TFPI: variants seen among roughly 807,000 people sequenced by gnomAD.
TFPI encodes anti-convertin.
TFPI carries 15 observed loss-of-function variants against 34.6 expected under a neutral mutation model. The observed-to-expected ratio is 0.43, with a 90% confidence interval of 0.29 to 0.67. The LOEUF is 0.67. Among genes scored for constraint, TFPI ranks in the 30% least tolerant of loss-of-function variants. The pLI is 0.15. For missense variants in TFPI, 301 were observed against 364.0 expected (o/e 0.83, Z 1.41); for synonymous variants, 105 against 120.1 (o/e 0.87, Z 0.82).
intron 1 of TFPI, chr2:187,544,473 TAAAAACAAAC>T (rs1688744640): frequency 6.6e-6 from 1 of 152,140 alleles, no homozygotes; most frequent in Admixed American, 6.5e-5. Flanking sequence ...CAGAGTGACT[TAAAAACAAAC>T]AAAAACAACA....
chr2:187,502,316 T>C (rs555455906), intron 2 of TFPI, among the ~76,000 whole-genome samples: 2 of 152,308 alleles, frequency 1.3e-5, no homozygotes, highest in Admixed American at 6.5e-5. Context: ...CTCAGTCCAG[T>C]TGAGGAAAAT....
chr2:187,531,768 T>C (rs1024641384), intron 1 of TFPI, among the ~76,000 whole-genome samples: 4 of 152,268 alleles, frequency 2.6e-5, no homozygotes, highest in Non-Finnish European at 4.4e-5. Flanking sequence ...TACATTGACA[T>C]GTCTAAAGAC....
chr2:187,490,071 G>T (rs187901157), intron 3 of TFPI, among the ~76,000 whole-genome samples: 2 of 151,616 alleles, frequency 1.3e-5, no homozygotes, highest in Admixed American at 1.3e-4. Flanking sequence ...ATGTAAGACT[G>T]ACAAGCAAAA....
At chr2:187,479,528 T>C (rs904513492) in intron 6 of TFPI, among the ~76,000 whole-genome samples, 1 of 139,314 alleles carries the variant, frequency 7.2e-6, no homozygotes, top group Non-Finnish European at 1.5e-5. Context: ...TATGCTTATT[T>C]TGGGGGGATA....
chr2:187,503,620 A>T (rs1484804366), intron 2 of TFPI, 28 bp downstream of exon 2: 2 of 1,605,614 alleles, frequency 1.2e-6, no homozygotes, highest in South Asian at 1.1e-5. Context: ...TAACTAGCTT[A>T]AAAAGATAAT....
chr2:187,537,118 C>G (rs1399809353), intron 1 of TFPI, among the ~76,000 whole-genome samples: 1 of 152,184 alleles, frequency 6.6e-6, no homozygotes, highest in Non-Finnish European at 1.5e-5. Flanking sequence ...AGTTCATGCT[C>G]ATGGATAAGA....
chr2:187,515,501 G>A (rs1686940977), intron 1 of TFPI: 2 of 152,194 alleles, frequency 1.3e-5, no homozygotes, highest in Admixed American at 1.3e-4. Flanking sequence ...CACGTGGACG[G>A]GAGCAGCTTC....
chr2:187,471,851 T>C (rs1370227991), intron 6 of TFPI, among the ~76,000 whole-genome samples: 1 of 152,146 alleles, frequency 6.6e-6, no homozygotes, highest in East Asian at 1.9e-4. Context: ...TTGGCTTGCC[T>C]ACTTAGGCTT....
At chr2:187,519,010 T>C (rs1456011470) in intron 1 of TFPI, 1 of 152,214 alleles carries the variant, frequency 6.6e-6, no homozygotes, top group East Asian at 1.9e-4. Context: ...TTTATGTTCT[T>C]CTCTAAACTG....
chr2:187,480,411 A>G (rs971765488), intron 6 of TFPI, among the ~76,000 whole-genome samples: 3 of 152,124 alleles, frequency 2.0e-5, no homozygotes, highest in East Asian at 3.8e-4. Flanking sequence ...AACACAACCT[A>G]TCAACTTAGT....
chr2:187,472,888 T>A (rs1692132984), intron 6 of TFPI, among the ~76,000 whole-genome samples: 1 of 152,052 alleles, frequency 6.6e-6, no homozygotes, highest in South Asian at 2.1e-4. Flanking sequence ...GGCACACGCA[T>A]GTGGTCCCAG....
intron 1 of TFPI, among the ~76,000 whole-genome samples, chr2:187,551,328 G>C (rs943136720): frequency 6.6e-5 from 10 of 152,028 alleles, no homozygotes; most frequent in Non-Finnish European, 1.5e-4. Flanking sequence ...TTTAACACCT[G>C]GTTGTTCCAA....
At chr2:187,487,587 A>T (rs1693368672) in intron 4 of TFPI, among the ~76,000 whole-genome samples, 1 of 151,458 alleles carries the variant, frequency 6.6e-6, no homozygotes, top group South Asian at 2.1e-4. Flanking sequence ...TCTCATTGAA[A>T]TGTAAATGCC....
chr2:187,488,995 T>C (rs1016490457), intron 3 of TFPI, among the ~76,000 whole-genome samples: 3 of 151,532 alleles, frequency 2.0e-5, no homozygotes, highest in African/African-American at 7.2e-5. Flanking sequence ...AATTCTAAGT[T>C]CTAATTTAAA....
At chr2:187,497,334 G>C (rs1428108443) in intron 2 of TFPI, among the ~76,000 whole-genome samples, 1 of 152,012 alleles carries the variant, frequency 6.6e-6, no homozygotes, top group Non-Finnish European at 1.5e-5. Context: ...TTGAGTAGTA[G>C]TTGTAAGGCA....
At chr2:187,517,056 T>G (rs1687058629) in intron 1 of TFPI, 1 of 152,188 alleles carries the variant, frequency 6.6e-6, no homozygotes, top group Non-Finnish European at 1.5e-5. Context: ...AGGAGGAGTT[T>G]TGTCTGTGGC....
chr2:187,530,482 A>G (rs1226218518), intron 1 of TFPI, among the ~76,000 whole-genome samples: 1 of 152,198 alleles, frequency 6.6e-6, no homozygotes, highest in Non-Finnish European at 1.5e-5. Flanking sequence ...AACCTGGTAA[A>G]TCCTACCCAT....
chr2:187,517,390 A>AT (rs1687080831), intron 1 of TFPI: 1 of 152,104 alleles, frequency 6.6e-6, no homozygotes, highest in South Asian at 2.1e-4. Context: ...TTCTGCCTTA[A>AT]TTTTTATATT....
At chr2:187,488,279 T>A in intron 4 of TFPI, 58 bp downstream of exon 4, 5 of 1,422,036 alleles carry the variant, frequency 3.5e-6, no homozygotes, top group South Asian at 1.3e-5. Context: ...AAACAAAAAA[T>A]TGAATATCTA....
Sources: gnomAD v4.1 joint callset for allele counts (sites outside exome capture counted in the v4.1 genomes callset) on GRCh38, gnomAD v4.1.1 for gene constraint, MANE v1.5 for transcripts, NCBI Gene and HGNC (gene_info 2026-07-23, HGNC 2026-07-21) for gene names.